The following CNTLN variants were observed in gnomAD, a reference collection of about 807,000 sequenced individuals.
CNTLN encodes the protein centlein, also known as centlein, centrosomal protein.
CNTLN carries 212 observed loss-of-function variants against 180.0 expected under a neutral mutation model. The observed-to-expected ratio is 1.18, with a 90% CI of 1.05 to 1.32. The LOEUF (loss-of-function observed/expected upper bound fraction) is 1.32, where lower values mean the gene tolerates loss of function less well. Ranked by LOEUF, CNTLN falls within the 40% of genes most tolerant of loss-of-function variation. The pLI is 0.00. For synonymous variants in CNTLN, 722 were observed against 563.1 expected (o/e 1.28, Z -3.99); for missense variants, 2,095 against 1,610.9 (o/e 1.30, Z -5.14).
At chr9:17,319,902 A>G (rs899541532) in intron 8 of CNTLN, among the ~76,000 whole-genome samples, 4 of 152,200 alleles carry the variant, frequency 2.6e-5, no homozygotes, top group Admixed American at 2.6e-4. Flanking sequence ...GGCAAAGCTA[A>G]TTGGTTCATA....
chr9:17,420,599 GGGTTT>G (rs1406340455), intron 18 of CNTLN, among the ~76,000 whole-genome samples: 6 of 150,644 alleles, frequency 4.0e-5, no homozygotes, highest in Admixed American at 2.6e-4. Context: ...TACTAATTTT[GGGTTT>G]GGTTTGCTCT....
At chr9:17,363,149 G>A (rs1823540824) in intron 12 of CNTLN, among the ~76,000 whole-genome samples, 1 of 152,106 alleles carries the variant, frequency 6.6e-6, no homozygotes, top group Non-Finnish European at 1.5e-5. Flanking sequence ...TGGGCATTTG[G>A]GTTGGTTCCA....
chr9:17,408,128 C>CAAAAAAAAA (rs34374959), intron 15 of CNTLN, among the ~76,000 whole-genome samples: 2 of 59,070 alleles, frequency 3.4e-5, no homozygotes, highest in Non-Finnish European at 5.5e-5. Context: ...GACTCTGTCT[C>CAAAAAAAAA]AAAAAAAAAA....
At chr9:17,474,371 C>T (rs971865465) in intron 23 of CNTLN, among the ~76,000 whole-genome samples, 14 of 152,298 alleles carry the variant, frequency 9.2e-5, no homozygotes, top group African/African-American at 2.9e-4. Context: ...TAATCATCTT[C>T]GGCTCTTCCC....
intron 6 of CNTLN, among the ~76,000 whole-genome samples, chr9:17,278,061 A>G (rs1472187605): frequency 1.3e-5 from 2 of 152,150 alleles, no homozygotes; most frequent in Non-Finnish European, 2.9e-5. Context: ...TAGACAGAGG[A>G]ACACAGGCAC....
At chr9:17,284,066 G>A (rs555179227) in intron 6 of CNTLN, among the ~76,000 whole-genome samples, 3 of 152,132 alleles carry the variant, frequency 2.0e-5, no homozygotes, top group South Asian at 4.1e-4. Flanking sequence ...ATGTTTCCCA[G>A]GCTGGAGTAC....
chr9:17,324,607 G>A (rs908556700), intron 8 of CNTLN, among the ~76,000 whole-genome samples: 2 of 152,068 alleles, frequency 1.3e-5, no homozygotes, highest in Non-Finnish European at 2.9e-5. Context: ...GCTCAATTTT[G>A]TACCAAAGAT....
chr9:17,155,000 G>T lies in CNTLN; in HGVS notation c.449+11624G>T, dbSNP rs112001985. Among the ~76,000 whole-genome samples, 240 of 152,292 alleles carry T rather than the reference G, an allele frequency of 1.6e-3. 2 individuals carry two copies. The highest frequency in any genetic ancestry group is 5.6e-3 in the African/African-American group (232 of 41,560). On this transcript the variant is annotated intron_variant, in intron 2 of 25. Coordinates refer to ENST00000380647, the MANE Select transcript of CNTLN (RefSeq NM_017738.4). ...GAAGGTCTACGGCTTCACTCCTGAA[G>T]TCAGCAAGACCACGAACCACTGGGA...
At position 17,161,892 on chromosome 9, in the gene CNTLN, GTCC is replaced by G. The variant is rs1423362905; in HGVS notation, c.449+18518_449+18520del. Among the ~76,000 whole-genome samples the G allele has an allele frequency of 3.9e-5, 6 of 151,902 alleles. No homozygotes were observed. The East Asian group carries it at 1.2e-3, about 30-fold the overall frequency. On this transcript the variant is annotated intron_variant, in intron 2 of 25. Coordinates refer to ENST00000380647, the MANE Select transcript of CNTLN (RefSeq NM_017738.4). ...TTGAGCTATTAATCTGTTTCCTCCA[GTCC>G]TTTTTTTTTCATTACATTTGCTTCT...
intron 18 of CNTLN, among the ~76,000 whole-genome samples, chr9:17,440,713 GA>G (rs1830060537): frequency 6.6e-6 from 1 of 152,126 alleles, no homozygotes; most frequent in Non-Finnish European, 1.5e-5. Flanking sequence ...TATGAATGGA[GA>G]AAAAACTGTG....
chr9:17,321,032 A>T (rs1167019987), intron 8 of CNTLN, among the ~76,000 whole-genome samples: 1 of 152,174 alleles, frequency 6.6e-6, no homozygotes, highest in Non-Finnish European at 1.5e-5. Context: ...TTTGTTTTTC[A>T]AAACAAATTT....
chr9:17,143,486 C>G lies in CNTLN; in HGVS notation c.449+110C>G. The G allele has an allele frequency of 3.7e-6, 3 of 804,448 alleles. No individual in the cohort carries two copies. In the South Asian group the frequency reaches 5.0e-5, roughly 14 times the overall value. The allele number at this position is 804,448 out of a possible 1,614,324, so 49.8% of individuals were successfully genotyped here. On this transcript the variant is annotated intron_variant, in intron 2 of 25. Transcript: ENST00000380647. ...TCTCCTAAAGAGATTCATTTAATTTCTGAATAAATGTGGAGCTAAAAATTA... is the reference window on the plus strand; with the variant it reads ...TCTCCTAAAGAGATTCATTTAATTTGTGAATAAATGTGGAGCTAAAAATTA...
intron 2 of CNTLN, among the ~76,000 whole-genome samples, chr9:17,196,982 C>A (rs1365400437): frequency 6.6e-6 from 1 of 152,148 alleles, no homozygotes; most frequent in East Asian, 1.9e-4. Flanking sequence ...TGCCCATTAA[C>A]CCCCTCCGTT....
At chr9:17,346,840 A>C (rs1476148535) in intron 12 of CNTLN, among the ~76,000 whole-genome samples, 2 of 152,170 alleles carry the variant, frequency 1.3e-5, no homozygotes, top group Non-Finnish European at 2.9e-5. Context: ...TGACAGTTCT[A>C]ATCACATGAA....
intron 6 of CNTLN, among the ~76,000 whole-genome samples, chr9:17,281,860 G>A (rs1388931382): frequency 2.0e-5 from 3 of 152,102 alleles, no homozygotes; most frequent in Non-Finnish European, 1.5e-5. Flanking sequence ...TTGAGGAATC[G>A]CCACACTGTC....
At chr9:17,475,872 CA>C (rs67818691) in intron 23 of CNTLN, among the ~76,000 whole-genome samples, 95,979 of 117,088 alleles carry the variant, frequency 0.82, 39,927 homozygotes, top group Non-Finnish European at 0.93. Flanking sequence ...GACTCTCTCT[CA>C]AAAAAAAAAA....
chr9:17,157,728 A>G (rs1332685947), intron 2 of CNTLN, among the ~76,000 whole-genome samples: 1 of 152,208 alleles, frequency 6.6e-6, no homozygotes, highest in African/African-American at 2.4e-5. Flanking sequence ...TGTCTTTGCC[A>G]AGCATGCCAG....
At chr9:17,393,811 T>G (rs1283792612) in intron 14 of CNTLN, among the ~76,000 whole-genome samples, 1 of 152,176 alleles carries the variant, frequency 6.6e-6, no homozygotes, top group Non-Finnish European at 1.5e-5. Flanking sequence ...TTATGATACT[T>G]AGATTATATC....
intron 18 of CNTLN, chr9:17,447,259 A>G: frequency 4.7e-6 from 1 of 211,628 alleles, no homozygotes; most frequent in South Asian, 8.9e-5. Flanking sequence ...TGCCAAGCCT[A>G]AAGACAATCC....
Sources: gnomAD v4.1 joint callset for allele counts (sites outside exome capture counted in the v4.1 genomes callset) on GRCh38, gnomAD v4.1.1 for gene constraint, MANE v1.5 for transcripts, NCBI Gene and HGNC (gene_info 2026-07-23, HGNC 2026-07-21) for gene names.